EDIL3: variants seen among roughly 807,000 people sequenced by gnomAD.
EDIL3 encodes EGF-like repeat and discoidin I-like domain-containing protein 3.
EDIL3 carries 37 observed loss-of-function variants against 67.4 expected under a neutral mutation model. The observed-to-expected ratio is 0.55, with a 90% CI of 0.42 to 0.72. EDIL3 has a LOEUF of 0.72. EDIL3 is among the 30% of genes least tolerant of loss of function. The pLI is 0.00. For missense variants in EDIL3, 527 were observed against 586.3 expected (o/e 0.90, Z 1.04); for synonymous variants, 195 against 196.3 (o/e 0.99, Z 0.05).
chr5:84,225,650 CTA>C (rs1744435952), intron 3 of EDIL3, among the ~76,000 whole-genome samples: 1 of 151,252 alleles, frequency 6.6e-6, no homozygotes, highest in African/African-American at 2.4e-5. Flanking sequence ...TTTTTTCATT[CTA>C]TATGTTATTG....
At chr5:84,258,970 CTTT>C (rs144344642) in intron 1 of EDIL3, among the ~76,000 whole-genome samples, 544 of 77,946 alleles carry the variant, frequency 7.0e-3, no homozygotes, top group South Asian at 0.011. Flanking sequence ...TTCGTAGAGT[CTTT>C]TTTTTTTTTT....
In EDIL3 at chr5:84,376,320, T is replaced by C. The variant is rs187901038; in HGVS notation, c.67+7988A>G. On this transcript the variant is annotated intron_variant, in intron 1 of 10. Transcript: ENST00000296591. ...TTAATGCTGACATGATGGTGGTCCCTAAGTAATGAAAAGAAAGCAAAAAAA... is the reference window on the plus strand; with the variant it reads ...TTAATGCTGACATGATGGTGGTCCCCAAGTAATGAAAAGAAAGCAAAAAAA... 2.0e-5 allele frequency among the ~76,000 whole-genome samples: 3 copies of C among 152,150 alleles called. No homozygotes were observed. In the East Asian group the frequency reaches 5.8e-4, roughly 29 times the overall value.
intron 1 of EDIL3, among the ~76,000 whole-genome samples, chr5:84,316,776 G>A (rs1746522049): frequency 6.6e-6 from 1 of 152,070 alleles, no homozygotes; most frequent in African/African-American, 2.4e-5. Flanking sequence ...GACATCTACA[G>A]AACTCTCCAC....
At chr5:84,036,365 C>T (rs1186892487) in intron 9 of EDIL3, among the ~76,000 whole-genome samples, 1 of 152,122 alleles carries the variant, frequency 6.6e-6, no homozygotes, top group Non-Finnish European at 1.5e-5. Flanking sequence ...GGATTCCTGG[C>T]AAGTATCAAT....
At chr5:84,372,719 T>C (rs879798631) in intron 1 of EDIL3, among the ~76,000 whole-genome samples, 1 of 152,162 alleles carries the variant, frequency 6.6e-6, no homozygotes, top group Admixed American at 6.5e-5. Flanking sequence ...CTTATTCTAT[T>C]CTCAGTCCAT....
intron 1 of EDIL3, among the ~76,000 whole-genome samples, chr5:84,347,892 G>A (rs1159332576): frequency 6.6e-6 from 1 of 152,128 alleles, no homozygotes; most frequent in East Asian, 1.9e-4. Context: ...TGGAAGGCAA[G>A]CACTAACCAT....
chr5:83,997,177 A>C (rs1056502457), intron 9 of EDIL3, among the ~76,000 whole-genome samples: 5 of 152,206 alleles, frequency 3.3e-5, no homozygotes, highest in African/African-American at 1.2e-4. Context: ...GTTGATAATC[A>C]GATAATGCTA....
intron 3 of EDIL3, among the ~76,000 whole-genome samples, chr5:84,192,304 C>T (rs1045625806): frequency 3.9e-5 from 6 of 151,908 alleles, no homozygotes; most frequent in African/African-American, 1.4e-4. Flanking sequence ...GCTCCTACAG[C>T]CTGTTAATCC....
chr5:83,973,320 T>C (rs570466914), intron 9 of EDIL3, among the ~76,000 whole-genome samples: 54 of 152,084 alleles, frequency 3.6e-4, no homozygotes, highest in Non-Finnish European at 2.6e-4. Flanking sequence ...AGCATAATGA[T>C]ATCCAATAAA....
Position 84,179,261 on chromosome 5 carries a change from C to T in EDIL3, c.355+1132G>A, listed in dbSNP as rs142758713. On this transcript the variant is annotated intron_variant, in intron 4 of 10. Transcript: ENST00000296591. ...CATGTGTGAAGGCTGAGCAGTGATG[C>T]TAGCTAGCATCAGGGAGACCTAGCC... is the stretch of plus-strand genomic sequence containing the variant. Among the ~76,000 whole-genome samples the T allele has an allele frequency of 2.1e-3, 326 of 152,238 alleles. 2 individuals carry two copies. The highest frequency in any genetic ancestry group is 7.3e-3 in the African/African-American group (304 of 41,552).
At chr5:84,348,632 G>A (rs1747284496) in intron 1 of EDIL3, among the ~76,000 whole-genome samples, 2 of 148,116 alleles carry the variant, frequency 1.4e-5, no homozygotes, top group African/African-American at 5.0e-5. Context: ...ATAAATAACC[G>A]AATTTCAGAT....
At chr5:84,085,845 T>C (rs1379513372) in intron 6 of EDIL3, among the ~76,000 whole-genome samples, 1 of 152,148 alleles carries the variant, frequency 6.6e-6, no homozygotes, top group East Asian at 1.9e-4. Context: ...GTTTTATCTG[T>C]AAGTCCCTGA....
intron 6 of EDIL3, among the ~76,000 whole-genome samples, chr5:84,103,913 C>T (rs1253053099): frequency 6.6e-6 from 1 of 152,050 alleles, no homozygotes; most frequent in South Asian, 2.1e-4. Context: ...AAGGCACATG[C>T]ACGCCTATGT....
intron 1 of EDIL3, among the ~76,000 whole-genome samples, chr5:84,311,562 T>A (rs900169534): frequency 2.6e-5 from 4 of 151,964 alleles, no homozygotes; most frequent in East Asian, 1.9e-4. Context: ...TCCAGTTTTT[T>A]TTTTTATTTT....
At chr5:84,256,181 A>G (rs755421734) in intron 1 of EDIL3, among the ~76,000 whole-genome samples, 2 of 144,048 alleles carry the variant, frequency 1.4e-5, no homozygotes, top group Non-Finnish European at 3.1e-5. Context: ...CCATCCACAC[A>G]TATAGCTAGC....
chr5:84,260,699 G>T (rs1410875095), intron 1 of EDIL3, among the ~76,000 whole-genome samples: 1 of 151,812 alleles, frequency 6.6e-6, no homozygotes, highest in African/African-American at 2.4e-5. Context: ...AATTTATTTA[G>T]ATGAATGCAT....
intron 1 of EDIL3, among the ~76,000 whole-genome samples, chr5:84,324,697 A>T (rs1468679982): frequency 7.2e-5 from 11 of 151,862 alleles, no homozygotes; most frequent in Admixed American, 5.9e-4. Flanking sequence ...GAAAAATCAA[A>T]TTATTAAAAT....
At chr5:84,331,300 G>T (rs1746866166) in intron 1 of EDIL3, among the ~76,000 whole-genome samples, 1 of 152,132 alleles carries the variant, frequency 6.6e-6, no homozygotes, top group African/African-American at 2.4e-5. Flanking sequence ...CATGAGATTT[G>T]GGAGGGGCCC....
chr5:84,314,910 TA>T (rs1349900145), intron 1 of EDIL3, among the ~76,000 whole-genome samples: 1 of 152,092 alleles, frequency 6.6e-6, no homozygotes, highest in African/African-American at 2.4e-5. Flanking sequence ...AAAATATAAA[TA>T]TTTTTTGAAT....
Sources: gnomAD v4.1 joint callset for allele counts (sites outside exome capture counted in the v4.1 genomes callset) on GRCh38, gnomAD v4.1.1 for gene constraint, MANE v1.5 for transcripts, NCBI Gene and HGNC (gene_info 2026-07-23, HGNC 2026-07-21) for gene names.